IFNAR2: variants seen among roughly 807,000 people sequenced by gnomAD.
IFNAR2 encodes the protein interferon alpha/beta receptor 2.
In IFNAR2, 30 loss-of-function variants were observed where a neutral mutation model predicts 49.4. The ratio of observed to expected loss-of-function variants is 0.61; its 90% CI spans 0.45 to 0.82. The LOEUF is 0.82. Ranked by LOEUF, IFNAR2 falls within the 40% of genes least tolerant of loss-of-function variation. The probability of loss-of-function intolerance (pLI) is 0.00; values close to 1 mark genes in which losing one functional copy is unlikely to be tolerated. For synonymous variants in IFNAR2, 224 were observed against 234.5 expected, an observed-to-expected ratio of 0.96 and a Z score of 0.41; for missense variants, 600 against 622.7, an observed-to-expected ratio of 0.96 and a Z score of 0.39.
intron 8 of IFNAR2, among the ~76,000 whole-genome samples, chr21:33,262,208 T>C (rs1260523445): frequency 6.6e-6 from 1 of 151,634 alleles, no homozygotes; most frequent in Non-Finnish European, 1.5e-5. Context: ...CTACTAAAAA[T>C]ACAAAAATTT....
chr21:33,246,692 C>G (rs1987436042), intron 4 of IFNAR2, 26 bp from the exon 5 acceptor site: 5 of 1,596,956 alleles, frequency 3.1e-6, no homozygotes, highest in Non-Finnish European at 4.3e-6. Flanking sequence ...TAACAATTTC[C>G]TTTTTCCATT....
chr21:33,247,662 A>G (rs1423792775), intron 5 of IFNAR2, among the ~76,000 whole-genome samples: 1 of 152,212 alleles, frequency 6.6e-6, no homozygotes, highest in African/African-American at 2.4e-5. Flanking sequence ...GGAGAAGACT[A>G]GACCCCAAGA....
chr21:33,232,687 C>T (rs1052369025), intron 1 of IFNAR2, among the ~76,000 whole-genome samples: 6 of 150,426 alleles, frequency 4.0e-5, no homozygotes. Context: ...TGAATCACAA[C>T]ATACTTTGCT....
chr21:33,252,862 G>A, intron 7 of IFNAR2, 32 bp downstream of exon 7: 1 of 1,536,090 alleles, frequency 6.5e-7, no homozygotes, highest in Non-Finnish European at 9.0e-7. Flanking sequence ...CATGTTTTGA[G>A]TATTCATGCT....
At position 33,258,698 on chromosome 21, in the gene IFNAR2, C is replaced by T. The variant is rs183105232; in HGVS notation, c.710-1899C>T. On this transcript the variant is annotated intron_variant, in intron 7 of 8. Coordinates refer to ENST00000342136, the MANE Select transcript of IFNAR2 (RefSeq NM_001289125.3). ...CGGGGTTCAGCAAGTGCCAAGTGCC[C>T]GAGGCAGGATATGCCTGGCACGGCA... Among the ~76,000 whole-genome samples the T allele has an allele frequency of 1.8e-3, 273 of 152,174 alleles. 1 individual carries two copies. Among genetic ancestry groups the T allele is most frequent in the African/African-American group, 5.8e-3 (242 of 41,520 alleles).
chr21:33,234,223 G>GTGTA, intron 1 of IFNAR2, among the ~76,000 whole-genome samples: 1 of 151,156 alleles, frequency 6.6e-6, no homozygotes, highest in South Asian at 2.1e-4. Context: ...GTGTGTGTGT[G>GTGTA]TTTATGCATA....
chr21:33,260,017 C>CAG (rs1255380985), intron 7 of IFNAR2, among the ~76,000 whole-genome samples: 1 of 152,180 alleles, frequency 6.6e-6, no homozygotes, highest in Non-Finnish European at 1.5e-5. Flanking sequence ...AGTCTGGTCG[C>CAG]ACTTCAGGAA....
intron 1 of IFNAR2, among the ~76,000 whole-genome samples, chr21:33,237,079 G>GTA (rs1491206548): frequency 5.6e-5 from 1 of 17,800 alleles, no homozygotes; most frequent in African/African-American, 2.9e-4. Context: ...GGAGAATGGG[G>GTA]TGTGTGTGTG....
intron 3 of IFNAR2, 55 bp downstream of exon 3, chr21:33,243,769 G>A: frequency 4.9e-6 from 6 of 1,226,970 alleles, no homozygotes; most frequent in Non-Finnish European, 7.3e-6. Flanking sequence ...AAGTGTTGGG[G>A]CAACCATTCA....
Position 33,263,854 on chromosome 21 carries a change from CTTTTT to C in IFNAR2, c.*368_*372del, listed in dbSNP as rs58370026. The C allele has an allele frequency of 3.3e-4, 42 of 127,172 alleles. No individual in the cohort carries two copies. Among genetic ancestry groups the C allele is most frequent in the South Asian group, 1.6e-3 (7 of 4,424 alleles). 7.9% of individuals were successfully genotyped at this position (127,172 alleles called of 1,614,324 possible). A position where few individuals can be genotyped will look rare whatever the true frequency, so the allele number is the denominator to read the frequency against. On this transcript the variant is annotated 3_prime_UTR_variant, in exon 9 of 9. Coordinates refer to ENST00000342136, the MANE Select transcript of IFNAR2 (RefSeq NM_001289125.3). ...CCTATGATATTTCTCTTCTTTCGTT[CTTTTT>C]TTTTTTTTTTTTTGAGACAGAGTCT...
At chr21:33,239,554 A>C (rs1187141437) in intron 1 of IFNAR2, among the ~76,000 whole-genome samples, 1 of 149,730 alleles carries the variant, frequency 6.7e-6, no homozygotes, top group East Asian at 2.0e-4. Flanking sequence ...CCTGGGGCCC[A>C]GAGTGGTCAC....
Position 33,260,679 on chromosome 21 carries a change from G to A in IFNAR2, c.792G>A (p.Leu264=). 1 of 1,602,070 alleles carries A rather than the reference G, an allele frequency of 6.2e-7. No homozygotes were observed. The highest frequency in any genetic ancestry group is 1.1e-5 in the South Asian group (1 of 87,768). The stretch of plus-strand genomic sequence containing the variant: ...TCTTGACAAGCACCATAGTGACACT[G>A]AAATGGATTGGTTATATATGCTTAA... ...ALVLTSTIVT[L]KWIGYICLRN... is the part of the protein sequence containing the mutation. The change falls in exon 8 of 9, where the codon CTG becomes CTA. Residue 264 remains leucine, a synonymous_variant. Coordinates refer to ENST00000342136, the MANE Select transcript of IFNAR2 (RefSeq NM_001289125.3).
chr21:33,240,488 A>T (rs572108490), intron 1 of IFNAR2, among the ~76,000 whole-genome samples: 1 of 152,324 alleles, frequency 6.6e-6, no homozygotes, highest in South Asian at 2.1e-4. Flanking sequence ...AGTTGCAAAG[A>T]TATGGAATCA....
At chr21:33,236,658 T>G (rs2123451112) in intron 1 of IFNAR2, 1 of 984,506 alleles carries the variant, frequency 1.0e-6, no homozygotes, top group Middle Eastern at 5.2e-4. Context: ...GGCATAGAGA[T>G]TGAAGCCAGA....
rs141778809 is a variant in IFNAR2 at position 33,237,601 on chromosome 21, G to C, written c.-83-4239G>C. On this transcript the variant is annotated intron_variant, in intron 1 of 8. Coordinates refer to ENST00000342136, the MANE Select transcript of IFNAR2 (RefSeq NM_001289125.3). ...GTATCTAGGGGAATGTTCACAACTA[G>C]GCAACGCCTCTGCTGTGGATTGATT... Among the ~76,000 whole-genome samples the C allele has an allele frequency of 4.2e-3, 633 of 152,320 alleles. 1 individual carries two copies. Among genetic ancestry groups the C allele is most frequent in the African/African-American group, 0.012 (482 of 41,566 alleles).
In IFNAR2 at chr21:33,252,757, A is replaced by G. The variant is rs1360858832; in HGVS notation, c.636A>G (p.Leu212=). The part of the protein sequence containing the change: ...PNTNYCVSVY[L]EHSDEQAVIK... ...CGAACTACTGTGTATCTGTTTATTT[A>G]GAGCACAGTGATGAGCAAGCAGTAA... Residue 212 remains leucine, a synonymous_variant, in exon 7 of 9, where the codon TTA becomes TTG. Transcript: ENST00000342136. The G allele has an allele frequency of 6.2e-7, 1 of 1,613,590 alleles. No homozygotes were observed. The highest frequency in any genetic ancestry group is 8.5e-7 in the Non-Finnish European group (1 of 1,179,472).
intron 6 of IFNAR2, chr21:33,251,857 C>G: frequency 1.3e-6 from 1 of 763,482 alleles, no homozygotes; most frequent in Non-Finnish European, 1.6e-6. Context: ...CCAAGGCAGG[C>G]AGATCGCTTG....
chr21:33,243,384 CAGATATATTTTTA>C (rs1459183253), intron 2 of IFNAR2, among the ~76,000 whole-genome samples: 2 of 152,136 alleles, frequency 1.3e-5, no homozygotes, highest in South Asian at 4.1e-4. Context: ...CGCCCGGCCC[CAGATATATTTTTA>C]AGTGGAAAAA....
At chr21:33,231,837 G>A (rs1262059230) in intron 1 of IFNAR2, 2 of 189,062 alleles carry the variant, frequency 1.1e-5, no homozygotes, top group South Asian at 3.6e-4. Context: ...CCCCTCCTGG[G>A]TTCAAGCGAT....
Sources: allele counts gnomAD v4.1 joint callset (sites outside exome capture counted in the v4.1 genomes callset), GRCh38; gene constraint gnomAD v4.1.1; transcripts MANE v1.5; gene names NCBI Gene and HGNC (gene_info 2026-07-23, HGNC 2026-07-21).